CDH26: variants seen among roughly 807,000 people sequenced by gnomAD.
The protein encoded by CDH26 is cadherin-like protein 26.
A neutral mutation model predicts 90.3 loss-of-function variants in CDH26; 83 were observed. That is an observed-to-expected ratio of 0.92 (90% confidence interval 0.77 to 1.10). The LOEUF is 1.10. Among genes scored for constraint, CDH26 ranks in the 50% least tolerant of loss-of-function variants. The pLI is 0.00. For missense variants in CDH26, 1,013 were observed against 1,037.6 expected (o/e 0.98, Z 0.33); for synonymous variants, 397 against 396.3 (o/e 1.00, Z -0.02).
At chr20:59,971,260 C>T (rs746546944) in intron 3 of CDH26, among the ~76,000 whole-genome samples, 1 of 152,150 alleles carries the variant, frequency 6.6e-6, no homozygotes, top group African/African-American at 2.4e-5. Flanking sequence ...GTGTATATGC[C>T]TAAGAGTCAG....
intron 7 of CDH26, among the ~76,000 whole-genome samples, chr20:60,025,013 A>C (rs2061985195): frequency 6.6e-6 from 1 of 152,156 alleles, no homozygotes; most frequent in Admixed American, 6.5e-5. Context: ...AAGGGGGACT[A>C]TCTGCAGAGC....
At chr20:59,966,998 TA>T (rs1401032601) in intron 1 of CDH26, among the ~76,000 whole-genome samples, 1 of 146,488 alleles carries the variant, frequency 6.8e-6, no homozygotes, top group Non-Finnish European at 1.5e-5. Flanking sequence ...AAAAAAAAAA[TA>T]ATAATGTTAT....
chr20:59,963,501 C>T (rs2061104638), intron 1 of CDH26, among the ~76,000 whole-genome samples: 1 of 152,116 alleles, frequency 6.6e-6, no homozygotes, highest in Non-Finnish European at 1.5e-5. Flanking sequence ...ACTTATAAAT[C>T]CACATGCTTA....
At chr20:59,960,600 G>A (rs1445109107) in intron 1 of CDH26, among the ~76,000 whole-genome samples, 1 of 152,174 alleles carries the variant, frequency 6.6e-6, no homozygotes, top group East Asian at 1.9e-4. Context: ...AACTTTTTGT[G>A]CAAACTCAGA....
chr20:59,983,720 A>G (rs2061421321), intron 5 of CDH26, among the ~76,000 whole-genome samples: 1 of 152,226 alleles, frequency 6.6e-6, no homozygotes, highest in African/African-American at 2.4e-5. Context: ...TTACAAATGC[A>G]TATTTGTATA....
At chr20:59,959,478 C>T (rs1221311990) in intron 1 of CDH26, among the ~76,000 whole-genome samples, 6 of 151,778 alleles carry the variant, frequency 4.0e-5, no homozygotes, top group Non-Finnish European at 2.9e-5. Flanking sequence ...CTCAGTGCAC[C>T]GCAACCTCCT....
intron 15 of CDH26, among the ~76,000 whole-genome samples, chr20:60,002,457 G>C (rs2061689688): frequency 6.6e-6 from 1 of 151,904 alleles, no homozygotes. Context: ...TTGAACAAAG[G>C]GCCCCCAACT....
At chr20:59,967,819 TTCTTTC>T (rs1569023971) in intron 1 of CDH26, among the ~76,000 whole-genome samples, 1 of 31,392 alleles carries the variant, frequency 3.2e-5, no homozygotes, top group Admixed American at 3.3e-4. Context: ...CCTCATTTCT[TTCTTTC>T]TTTCTTTCTT....
intron 11 of CDH26, 21 bp downstream of exon 11, chr20:59,994,510 CG>C (rs760206708): frequency 6.2e-7 from 1 of 1,611,382 alleles, no homozygotes; most frequent in African/African-American, 1.3e-5. Context: ...GTATTGGTTA[CG>C]GGCAAAGAGT....
In CDH26 at chr20:60,012,799, C is replaced by T. The variant is rs2061865652; in HGVS notation, c.*69C>T. The T allele has an allele frequency of 6.9e-7, 1 of 1,448,014 alleles. No homozygotes were observed. The highest frequency in any genetic ancestry group is 9.5e-7 in the Non-Finnish European group (1 of 1,052,396). 89.7% of individuals were successfully genotyped at this position (1,448,014 alleles called of 1,614,324 possible). A position where few individuals can be genotyped will look rare whatever the true frequency, so the allele number is the denominator to read the frequency against. ...GAATCACTATTCAGGGATTTTTCCCCTTTGCTCTTCTTTTCCCTCCTTAAA... is the reference window on the plus strand; with the variant it reads ...GAATCACTATTCAGGGATTTTTCCCTTTTGCTCTTCTTTTCCCTCCTTAAA... On this transcript the variant is annotated 3_prime_UTR_variant, in exon 18 of 18. Coordinates refer to ENST00000348616, the MANE Select transcript of CDH26 (RefSeq NM_177980.4).
chr20:59,977,787 C>A (rs2061344530), intron 4 of CDH26, among the ~76,000 whole-genome samples: 1 of 151,756 alleles, frequency 6.6e-6, no homozygotes, highest in Admixed American at 6.6e-5. Context: ...TGACTATTAA[C>A]CAAAACCCAT....
In CDH26 at chr20:59,974,713, C is replaced by T. The variant is rs574344187; in HGVS notation, c.393+2590C>T. 3.3e-5 allele frequency among the ~76,000 whole-genome samples: 5 copies of T among 152,120 alleles called. No homozygotes were observed. The East Asian group carries it at 9.6e-4, about 29-fold the overall frequency. On this transcript the variant is annotated intron_variant, in intron 4 of 17. Transcript: ENST00000348616. ...TATTGATTTAGGTACTTATTTGATC[C>T]GTGGCCCTGTCATTTAACTACAGAC...
Position 59,996,772 on chromosome 20 carries a change from G to A in CDH26, c.2019+11G>A. 5 of 1,614,208 alleles carry A rather than the reference G, an allele frequency of 3.1e-6. No homozygotes were observed. The highest frequency in any genetic ancestry group is 4.2e-6 in the Non-Finnish European group (5 of 1,180,032). ...GGCACTTCAGCCCAGGTAGTGGAAT[G>A]TCATGCTTTGTGTCTTATGGCAAGG... On this transcript the variant is annotated intron_variant, in intron 13 of 17. Coordinates refer to ENST00000348616, the MANE Select transcript of CDH26 (RefSeq NM_177980.4).
At chr20:60,034,980 G>T (rs1302157040), downstream of CDH26, among the ~76,000 whole-genome samples, 1 of 152,240 alleles carries the variant, frequency 6.6e-6, no homozygotes, top group African/African-American at 2.4e-5. Context: ...CTCCTTCACA[G>T]AGGTGATTAT....
At chr20:59,970,538 C>T (rs981608026) in intron 3 of CDH26, among the ~76,000 whole-genome samples, 7 of 150,868 alleles carry the variant, frequency 4.6e-5, no homozygotes, top group African/African-American at 1.5e-4. Flanking sequence ...CGGCCAGGCG[C>T]GGTGGCTCAC....
intron 4 of CDH26, among the ~76,000 whole-genome samples, chr20:59,976,324 T>C (rs1317729321): frequency 3.9e-5 from 6 of 152,246 alleles, no homozygotes; most frequent in Non-Finnish European, 5.9e-5. Flanking sequence ...AAAATGTCCA[T>C]GACATTTCTT....
intron 4 of CDH26, among the ~76,000 whole-genome samples, chr20:59,979,193 C>A (rs1346399538): frequency 7.0e-6 from 1 of 143,528 alleles, no homozygotes; most frequent in Non-Finnish European, 1.5e-5. Flanking sequence ...GTTTCTTCTT[C>A]TTCTATTTTT....
intron 7 of CDH26, among the ~76,000 whole-genome samples, chr20:60,023,963 GAGA>G (rs1569069646): frequency 4.7e-4 from 54 of 113,924 alleles, no homozygotes; most frequent in Non-Finnish European, 8.8e-4. Flanking sequence ...GACAGAGGGA[GAGA>G]GAGAGAGAGA....
chr20:60,021,378 C>T (rs1339355317), intron 7 of CDH26, among the ~76,000 whole-genome samples: 1 of 152,182 alleles, frequency 6.6e-6, no homozygotes, highest in East Asian at 1.9e-4. Flanking sequence ...AGCAGCAGAG[C>T]TGAGTAATTG....
Sources: allele counts gnomAD v4.1 joint callset (sites outside exome capture counted in the v4.1 genomes callset), GRCh38; gene constraint gnomAD v4.1.1; transcripts MANE v1.5; gene names NCBI Gene and HGNC (gene_info 2026-07-23, HGNC 2026-07-21).